The following GNAT2 variants were observed in gnomAD, a reference collection of about 807,000 sequenced individuals.
GNAT2 encodes guanine nucleotide-binding protein G(t) subunit alpha-2.
A neutral mutation model predicts 40.9 loss-of-function variants in GNAT2; 32 were observed. That is an observed-to-expected ratio of 0.78 (90% CI 0.59 to 1.05). The LOEUF (loss-of-function observed/expected upper bound fraction) is 1.05. GNAT2 is among the 50% of genes least tolerant of loss of function. The pLI is 0.00. For missense variants in GNAT2, 355 were observed against 431.5 expected (o/e 0.82, Z 1.57); for synonymous variants, 141 against 157.2 (o/e 0.90, Z 0.77).
intron 1 of GNAT2, among the ~76,000 whole-genome samples, chr1:109,619,252 T>C (rs895340562): frequency 6.6e-6 from 1 of 152,126 alleles, no homozygotes; most frequent in African/African-American, 2.4e-5. Flanking sequence ...TTCTAAGCAG[T>C]TAACTTATAT....
chr1:109,610,815 A>G, intron 2 of GNAT2: 1 of 468,502 alleles, frequency 2.1e-6, no homozygotes, highest in South Asian at 2.2e-5. Flanking sequence ...TATGACAACC[A>G]AAAGTGTCTC....
chr1:109,614,953 G>A (rs1484310931), intron 1 of GNAT2: 1 of 152,254 alleles, frequency 6.6e-6, no homozygotes, highest in African/African-American at 2.4e-5. Flanking sequence ...TTGGTTATAA[G>A]GTTTCAGTAA....
rs777548321 is a variant in GNAT2 at position 109,608,800 on chromosome 1, A to G, written c.304-12T>C. ...TGTCGCCCGTCATCCTGTAATGCAG[A>G]AACCTGGTTAAGAACTTCACAGGAG... is the stretch of plus-strand genomic sequence containing the variant. On this transcript the variant is annotated splice_polypyrimidine_tract_variant and intron_variant, in intron 4 of 8. Transcript: ENST00000679935. The G allele has an allele frequency of 2.0e-5, 33 of 1,612,030 alleles. No individual in the cohort carries two copies. Among genetic ancestry groups the G allele is most frequent in the Non-Finnish European group, 2.6e-5 (31 of 1,178,194 alleles).
chr1:109,611,485 C>T (rs1649796440), intron 2 of GNAT2: 1 of 152,238 alleles, frequency 6.6e-6, no homozygotes, highest in South Asian at 2.1e-4. Flanking sequence ...CGGCCATTTC[C>T]CCCCGCCCCT....
At chr1:109,604,827 C>A (rs1649543291) in intron 7 of GNAT2, 1 of 153,468 alleles carries the variant, frequency 6.5e-6, no homozygotes, top group African/African-American at 2.4e-5. Context: ...AAAGCAAGAA[C>A]AATCCCATTT....
At chr1:109,606,675 G>C (rs1431435890) in intron 5 of GNAT2, 2 of 475,078 alleles carry the variant, frequency 4.2e-6, no homozygotes, top group Non-Finnish European at 7.7e-6. Flanking sequence ...TTTAAATCAA[G>C]TTAGATAAGT....
chr1:109,606,162 G>T, intron 6 of GNAT2, 63 bp from the exon 7 acceptor site: 2 of 1,595,446 alleles, frequency 1.3e-6, no homozygotes, highest in Non-Finnish European at 1.7e-6. Context: ...GCCTTTGATG[G>T]TCACCCCGTG....
intron 7 of GNAT2, 53 bp from the exon 8 acceptor site, chr1:109,604,157 A>G (rs555362179): frequency 8.9e-5 from 122 of 1,370,368 alleles, no homozygotes; most frequent in Non-Finnish European, 1.2e-4. Context: ...TAGAATATCT[A>G]CCTACTTCCT....
intron 8 of GNAT2, 59 bp from the exon 9 acceptor site, chr1:109,603,603 C>G: frequency 3.5e-6 from 4 of 1,130,556 alleles, no homozygotes; most frequent in African/African-American, 1.5e-5. Context: ...TAGTTGCTGA[C>G]TCACTTTAGG....
chr1:109,609,859 T>C (rs546299240), intron 4 of GNAT2, 181 bp downstream of exon 4: 7 of 684,506 alleles, frequency 1.0e-5, no homozygotes, highest in South Asian at 3.1e-5. Flanking sequence ...ACTGCGTAGA[T>C]GGGTAAAGGG....
At chr1:109,613,168 A>G in intron 1 of GNAT2, 2 of 394,470 alleles carry the variant, frequency 5.1e-6, no homozygotes, top group Non-Finnish European at 9.6e-6. Context: ...GGCAAGGGGT[A>G]AAGACTCAAA....
At chr1:109,618,479 C>G (rs926399535) in intron 1 of GNAT2, among the ~76,000 whole-genome samples, 22 of 152,180 alleles carry the variant, frequency 1.4e-4, no homozygotes, top group African/African-American at 3.4e-4. Context: ...AGAAAAACAA[C>G]TTCCAGAAAG....
intron 7 of GNAT2, chr1:109,605,066 CAAAGG>C (rs1244916841): frequency 6.6e-6 from 1 of 152,136 alleles, no homozygotes; most frequent in African/African-American, 2.4e-5. Flanking sequence ...TTAAAACTAC[CAAAGG>C]GAAGGGAAGA....
intron 2 of GNAT2, chr1:109,612,393 C>G (rs1649820893): frequency 8.6e-6 from 3 of 349,224 alleles, no homozygotes; most frequent in South Asian, 4.6e-5. Flanking sequence ...GATTTCTTGG[C>G]TTAGAGTTCT....
chr1:109,605,426 C>G (rs1331293396), intron 7 of GNAT2: 1 of 197,370 alleles, frequency 5.1e-6, no homozygotes, highest in African/African-American at 2.3e-5. Flanking sequence ...GAGAACCACT[C>G]TTGGGTAGTC....
At chr1:109,610,981 A>G in intron 2 of GNAT2, 1 of 186,676 alleles carries the variant, frequency 5.4e-6, no homozygotes, top group Non-Finnish European at 1.1e-5. Context: ...TCATTTCACC[A>G]AAATAACTAT....
chr1:109,603,601 G>A (rs1444307614), intron 8 of GNAT2, 57 bp from the exon 9 acceptor site: 26 of 1,151,866 alleles, frequency 2.3e-5, no homozygotes, highest in Admixed American at 1.2e-4. Context: ...GTTAGTTGCT[G>A]ACTCACTTTA....
At chr1:109,614,694 A>C (rs1381213776) in intron 1 of GNAT2, 2 of 152,234 alleles carry the variant, frequency 1.3e-5, no homozygotes, top group African/African-American at 4.8e-5. Context: ...CTTGTGCAGC[A>C]GTGGCCAGTT....
intron 6 of GNAT2, 67 bp downstream of exon 6, chr1:109,606,240 GC>G: frequency 6.3e-7 from 1 of 1,584,134 alleles, no homozygotes. Context: ...AGGCCAAGAA[GC>G]CTGCCTGTGC....
Sources: gnomAD v4.1 joint callset for allele counts (sites outside exome capture counted in the v4.1 genomes callset) on GRCh38, gnomAD v4.1.1 for gene constraint, MANE v1.5 for transcripts, NCBI Gene and HGNC (gene_info 2026-07-23, HGNC 2026-07-21) for gene names.